The following RBKS variants were observed in gnomAD, a reference collection of about 807,000 sequenced individuals.
The protein encoded by RBKS is ribokinase.
In RBKS, 33 loss-of-function variants were observed where a neutral mutation model predicts 33.9. That is an observed-to-expected ratio of 0.97 (90% CI 0.74 to 1.30). The LOEUF is 1.30. RBKS is among the 50% of genes most tolerant of loss of function. The probability of loss-of-function intolerance (pLI) is 0.00; values close to 1 mark genes in which losing one functional copy is unlikely to be tolerated. For missense variants in RBKS, 361 were observed against 392.6 expected (o/e 0.92, Z 0.68); for synonymous variants, 125 against 143.0 (o/e 0.87, Z 0.90).
rs1553380049 is a variant in RBKS at position 27,861,664 on chromosome 2, G to GGC, written c.90-3094_90-3093insGC. ...AGATTAGTATGTTCCATTTCTTTTT[G>GGC]GGGGGGGGGTGGAGTCTCACTTTGT... is the stretch of plus-strand genomic sequence containing the variant. On this transcript the variant is annotated intron_variant, in intron 1 of 7. Transcript: ENST00000302188. The GGC allele has an allele frequency of 1.9e-5, 4 of 215,272 alleles. No homozygotes were observed. The African/African-American group carries it at 2.7e-4, about 15-fold the overall frequency. 13.3% of individuals were successfully genotyped at this position (215,272 alleles called of 1,614,324 possible). A position where few individuals can be genotyped will look rare whatever the true frequency, so the allele number is the denominator to read the frequency against.
At chr2:27,832,645 T>C (rs1267133296) in intron 6 of RBKS, 41 bp downstream of exon 6, 1 of 1,323,394 alleles carries the variant, frequency 7.6e-7, no homozygotes, top group Admixed American at 1.7e-5. Context: ...TTGTACAAAC[T>C]TTTGGTTTCT....
intron 7 of RBKS, among the ~76,000 whole-genome samples, chr2:27,784,815 T>C (rs1242349676): frequency 6.6e-6 from 1 of 152,208 alleles, no homozygotes; most frequent in Non-Finnish European, 1.5e-5. Context: ...GCCTAAAATG[T>C]GTTAGGCCCT....
At chr2:27,830,595 C>G (rs1018181033) in intron 6 of RBKS, among the ~76,000 whole-genome samples, 33 of 152,178 alleles carry the variant, frequency 2.2e-4, no homozygotes, top group African/African-American at 8.0e-4. Flanking sequence ...GTTTTTCTTT[C>G]TTCCATTAAG....
intron 7 of RBKS, among the ~76,000 whole-genome samples, chr2:27,818,733 C>CT (rs1030342062): frequency 7.9e-5 from 12 of 152,212 alleles, no homozygotes; most frequent in Non-Finnish European, 1.8e-4. Flanking sequence ...CCCAAAGAAT[C>CT]TAATTTCAGA....
chr2:27,816,635 G>A (rs1278295420), intron 7 of RBKS, among the ~76,000 whole-genome samples: 3 of 150,524 alleles, frequency 2.0e-5, no homozygotes, highest in Non-Finnish European at 4.4e-5. Flanking sequence ...TTTTGTTTTT[G>A]AGGAGTCTCC....
At chr2:27,883,851 G>A (rs188110885) in intron 1 of RBKS, among the ~76,000 whole-genome samples, 2 of 151,870 alleles carry the variant, frequency 1.3e-5, no homozygotes, top group Admixed American at 1.3e-4. Flanking sequence ...ATGAGCCACT[G>A]CACCCAGCCA....
At chr2:27,822,805 T>A (rs1439229622) in intron 7 of RBKS, among the ~76,000 whole-genome samples, 1 of 152,186 alleles carries the variant, frequency 6.6e-6, no homozygotes, top group Non-Finnish European at 1.5e-5. Context: ...TGGCTTTTGT[T>A]TGTTCTCAGC....
At chr2:27,882,712 T>C (rs1664442623) in intron 1 of RBKS, among the ~76,000 whole-genome samples, 2 of 152,238 alleles carry the variant, frequency 1.3e-5, no homozygotes, top group South Asian at 4.1e-4. Context: ...ATAAAGAAAA[T>C]GTGGTACATA....
intron 7 of RBKS, among the ~76,000 whole-genome samples, chr2:27,819,193 T>C (rs1194998056): frequency 6.6e-6 from 1 of 152,124 alleles, no homozygotes; most frequent in African/African-American, 2.4e-5. Context: ...ATCAAGGTAC[T>C]GGCAAAGTAG....
chr2:27,787,625 CAAAG>C lies in RBKS; in HGVS notation c.796-5841_796-5838del, dbSNP rs539070344. ...TATATTAAAAATAAGGGGTTCCCAA[CAAAG>C]AAAACTCTAGACTAGATGGCTTCGC... On this transcript the variant is annotated intron_variant, in intron 7 of 7. Coordinates refer to ENST00000302188, the MANE Select transcript of RBKS (RefSeq NM_022128.3). Among the ~76,000 whole-genome samples, 335 of 152,152 alleles carry C rather than the reference CAAAG, an allele frequency of 2.2e-3. 1 individual carries two copies. The highest frequency in any genetic ancestry group is 7.3e-3 in the African/African-American group (304 of 41,534).
chr2:27,802,003 T>A (rs1282513632), intron 7 of RBKS, among the ~76,000 whole-genome samples: 1 of 111,234 alleles, frequency 9.0e-6, no homozygotes, highest in Non-Finnish European at 1.8e-5. Flanking sequence ...TTTTTTTTTT[T>A]TTTTTTTTTT....
At chr2:27,873,625 C>A (rs1664257866) in intron 1 of RBKS, among the ~76,000 whole-genome samples, 1 of 152,190 alleles carries the variant, frequency 6.6e-6, no homozygotes, top group Admixed American at 6.5e-5. Context: ...TCAGAAAAAA[C>A]CAATATTGTT....
At chr2:27,824,042 C>T (rs542948526) in intron 7 of RBKS, among the ~76,000 whole-genome samples, 2 of 152,298 alleles carry the variant, frequency 1.3e-5, no homozygotes, top group South Asian at 2.1e-4. Context: ...AGTAGTCACT[C>T]TCCATCCCCT....
At chr2:27,839,944 CTGAT>C (rs1663438027) in intron 5 of RBKS, among the ~76,000 whole-genome samples, 1 of 151,822 alleles carries the variant, frequency 6.6e-6, no homozygotes, top group African/African-American at 2.4e-5. Context: ...CCCCCATTTG[CTGAT>C]TGATTATGAA....
At chr2:27,858,335 G>GTTTGA in intron 2 of RBKS, 104 bp downstream of exon 2, 1 of 1,154,360 alleles carries the variant, frequency 8.7e-7, no homozygotes. Flanking sequence ...ACATGCCACT[G>GTTTGA]AACTGTTCAC....
At chr2:27,864,673 GAAAAAA>G (rs11297127) in intron 1 of RBKS, among the ~76,000 whole-genome samples, 127 of 150,720 alleles carry the variant, frequency 8.4e-4, no homozygotes, top group African/African-American at 3.0e-3. Flanking sequence ...TTCATTCTGA[GAAAAAA>G]AAAAACCAGG....
chr2:27,799,756 G>GA (rs1405100087), intron 7 of RBKS, among the ~76,000 whole-genome samples: 1 of 152,244 alleles, frequency 6.6e-6, no homozygotes, highest in Admixed American at 6.5e-5. Flanking sequence ...GTTTAGGTCA[G>GA]AATTTCTTCA....
chr2:27,888,875 C>G (rs1244268214), intron 1 of RBKS, among the ~76,000 whole-genome samples: 2 of 152,198 alleles, frequency 1.3e-5, no homozygotes, highest in African/African-American at 4.8e-5. Context: ...TTTACTTACT[C>G]TTGCTCTAGA....
rs1029099468 is a variant in RBKS at position 27,781,423 on chromosome 2, T to G, written c.*192A>C. 9.2e-6 allele frequency: 5 copies of G among 541,306 alleles called. No homozygotes were observed. Among genetic ancestry groups the G allele is most frequent in the African/African-American group, 5.8e-5 (3 of 51,824 alleles). The allele number at this position is 541,306 out of a possible 1,614,324, so 33.5% of individuals were successfully genotyped here. ...TGGTTGTGGAATCTTTAATTCTGGT[T>G]GTTTTGTGCAAATGCATGGAAAGCA... On this transcript the variant is annotated 3_prime_UTR_variant, in exon 8 of 8. Coordinates refer to ENST00000302188, the MANE Select transcript of RBKS (RefSeq NM_022128.3).
Sources: gnomAD v4.1 joint callset for allele counts (sites outside exome capture counted in the v4.1 genomes callset) on GRCh38, gnomAD v4.1.1 for gene constraint, MANE v1.5 for transcripts, NCBI Gene and HGNC (gene_info 2026-07-23, HGNC 2026-07-21) for gene names.